The following POLQ variants were observed in gnomAD, a reference collection of about 807,000 sequenced individuals.
POLQ encodes epididymis secretory sperm binding protein.
POLQ carries 233 observed loss-of-function variants against 259.2 expected under a neutral mutation model. The observed-to-expected ratio is 0.90, with a 90% CI of 0.81 to 1.00. The LOEUF is 1.00. Among genes scored for constraint, POLQ ranks in the 50% least tolerant of loss-of-function variants. POLQ has a pLI of 0.00. For synonymous variants in POLQ, 1,025 were observed against 1,048.8 expected (o/e 0.98, Z 0.44); for missense variants, 2,871 against 3,051.6 (o/e 0.94, Z 1.39).
chr3:121,515,078 A>T (rs1028559623), intron 9 of POLQ, among the ~76,000 whole-genome samples: 1 of 152,210 alleles, frequency 6.6e-6, no homozygotes, highest in Non-Finnish European at 1.5e-5. Flanking sequence ...AGTTCTGCCA[A>T]GGGTGGAAGT....
Position 121,431,613 on chromosome 3 carries a change from A to G in POLQ, c.*691T>C, listed in dbSNP as rs11555758. On this transcript the variant is annotated 3_prime_UTR_variant, in exon 30 of 30. Coordinates refer to ENST00000264233, the MANE Select transcript of POLQ (RefSeq NM_199420.4). ...CAGTATTATATTGACCTGCAATAAA[A>G]ACATCTGATCTTACAGAACAGGATA... 5,500 of 152,698 alleles carry G rather than the reference A, an allele frequency of 0.036. 150 individuals carry two copies. The highest frequency in any genetic ancestry group is 0.082 in the Middle Eastern group (24 of 294). 9.5% of individuals were successfully genotyped at this position (152,698 alleles called of 1,614,324 possible). A position where few individuals can be genotyped will look rare whatever the true frequency, so the allele number is the denominator to read the frequency against.
rs1328099752 is a variant in POLQ, at chr3:121,436,277, T to C, written c.7390-2A>G. ...TGTGTTGATAGCTTGACGCTCAGCC[T>C]AGAAAAAACAATCAACAGGTGCTCC... On this transcript the variant is annotated splice_acceptor_variant, in intron 27 of 29. Coordinates refer to ENST00000264233, the MANE Select transcript of POLQ (RefSeq NM_199420.4). LOFTEE classifies it high-confidence loss of function. 2 of 1,613,458 alleles carry C rather than the reference T, an allele frequency of 1.2e-6. No homozygotes were observed. The highest frequency in any genetic ancestry group is 1.7e-6 in the Non-Finnish European group (2 of 1,179,594).
intron 22 of POLQ, among the ~76,000 whole-genome samples, chr3:121,468,900 A>G (rs1216148216): frequency 6.6e-6 from 1 of 152,216 alleles, no homozygotes; most frequent in Non-Finnish European, 1.5e-5. Context: ...AGTACTTACT[A>G]GAAGTACTGA....
intron 28 of POLQ, among the ~76,000 whole-genome samples, chr3:121,435,623 C>T (rs552675017): frequency 5.9e-5 from 9 of 152,298 alleles, no homozygotes; most frequent in South Asian, 2.1e-4. Context: ...GAAACTCATC[C>T]GTCTCCCACA....
chr3:121,464,164 A>G (rs1576406109), intron 24 of POLQ, among the ~76,000 whole-genome samples: 1 of 152,370 alleles, frequency 6.6e-6, no homozygotes, highest in East Asian at 1.9e-4. Flanking sequence ...CAAGAAAGCG[A>G]AAAATGTACT....
intron 20 of POLQ, among the ~76,000 whole-genome samples, chr3:121,474,391 G>C (rs142321680): frequency 0.016 from 2,373 of 152,312 alleles, 31 homozygotes; most frequent in Middle Eastern, 0.024. Flanking sequence ...TGCTGTGTGG[G>C]AGGTGGAAGA....
Position 121,494,714 on chromosome 3 carries a change from G to A in POLQ, c.2279-993C>T, listed in dbSNP as rs991937117. 5.4e-5 allele frequency: 85 copies of A among 1,580,820 alleles called. 1 individual carries two copies. Among genetic ancestry groups the A allele is most frequent in the South Asian group, 4.5e-4 (41 of 90,314 alleles). ...CCACAGGAAGACCTGCACCACTGTC[G>A]CCTTCACACAGGTGAACTCGGAAGA... On this transcript the variant is annotated intron_variant, in intron 14 of 29. Coordinates refer to ENST00000264233, the MANE Select transcript of POLQ (RefSeq NM_199420.4).
At position 121,467,584 on chromosome 3, in the gene POLQ, T is replaced by A; in HGVS notation, c.6902A>T (p.Glu2301Val). The A allele has an allele frequency of 6.2e-7, 1 of 1,613,876 alleles. No individual in the cohort carries two copies. The highest frequency in any genetic ancestry group is 1.1e-5 in the South Asian group (1 of 91,074). The change falls in exon 24 of 30, where the codon GAG (glutamate) becomes GTG (valine). Residue 2301 changes from glutamate (E) to valine (V), a missense_variant. By Grantham distance (121) the Glu-to-Val change is moderately radical. Transcript: ENST00000264233. ...TGGCATTCCTCTGTCTGCAGCTCTCTCCTCCATCTGTGCCTGGCATCTAGG... is the reference window on the plus strand; with the variant it reads ...TGGCATTCCTCTGTCTGCAGCTCTCACCTCCATCTGTGCCTGGCATCTAGG... ...VNPRCQAQME[E>V]RAADRGMPFS...
At chr3:121,457,955 A>G (rs1298986081) in intron 25 of POLQ, among the ~76,000 whole-genome samples, 1 of 152,228 alleles carries the variant, frequency 6.6e-6, no homozygotes, top group African/African-American at 2.4e-5. Context: ...TTGCGGCACT[A>G]TTCACAAGAG....
chr3:121,527,862 T>C (rs1358102382), intron 7 of POLQ, among the ~76,000 whole-genome samples: 1 of 152,216 alleles, frequency 6.6e-6, no homozygotes, highest in African/African-American at 2.4e-5. Context: ...AATTACTTTT[T>C]ACTGCAATAT....
chr3:121,478,212 G>C (rs2047942442), intron 19 of POLQ, among the ~76,000 whole-genome samples: 1 of 152,128 alleles, frequency 6.6e-6, no homozygotes, highest in African/African-American at 2.4e-5. Flanking sequence ...GCGGTCCTTT[G>C]ATGCAGAGTA....
chr3:121,467,769 G>A (rs1314394622), intron 23 of POLQ, 129 bp from the exon 24 acceptor site: 1 of 901,704 alleles, frequency 1.1e-6, no homozygotes, highest in African/African-American at 1.7e-5. Flanking sequence ...GGCTGGGTGT[G>A]GTAGCTCACA....
chr3:121,469,692 T>C (rs2047867738), intron 22 of POLQ, among the ~76,000 whole-genome samples: 1 of 152,142 alleles, frequency 6.6e-6, no homozygotes, highest in Non-Finnish European at 1.5e-5. Flanking sequence ...GGTCTATTAG[T>C]TGAATTAATG....
At position 121,489,904 on chromosome 3, in the gene POLQ, T is replaced by C; in HGVS notation, c.3027A>G (p.Lys1009=). ...EKPGASQNEG[K]TSDKKVVQTF... ...TCTGAACAACTTTCTTATCACTTGT[T>C]TTCCCCTCATTCTGAGAGGCTCCTG... Residue 1009 remains lysine (K), a synonymous_variant, in exon 16 of 30, where the codon AAA becomes AAG. Transcript: ENST00000264233. 2 of 1,595,552 alleles carry C rather than the reference T, an allele frequency of 1.3e-6. No homozygotes were observed. Among genetic ancestry groups the C allele is most frequent in the Non-Finnish European group, 1.7e-6 (2 of 1,175,430 alleles).
rs1375526247 is a variant in POLQ, at chr3:121,493,651, C to A, written c.2349G>T (p.Lys783Asn). The A allele has an allele frequency of 6.2e-7, 1 of 1,613,960 alleles. No individual in the cohort carries two copies. The highest frequency in any genetic ancestry group is 8.5e-7 in the Non-Finnish European group (1 of 1,179,970). Residue 783 changes from lysine (K) to asparagine (N), a missense_variant, in exon 15 of 30, where the codon AAG becomes AAT. Lys to Asn is a moderately conservative substitution (Grantham distance 94). Around this residue, in one of 3 missense-constraint regions of POLQ, gnomAD observed 2,080 missense variants for 2,126.0 expected, o/e 0.98. Transcript: ENST00000264233. ...NMELLLSQFQKRLTFGIQREL... is the reference protein window; with the variant it reads ...NMELLLSQFQNRLTFGIQREL... ...CCCTCTGGATGCCAAACGTAAGACG[C>A]TTCTGAAATTGGGAAAGTAGTAGTT...
At chr3:121,538,906 T>C (rs2048469280) in intron 4 of POLQ, among the ~76,000 whole-genome samples, 2 of 152,176 alleles carry the variant, frequency 1.3e-5, no homozygotes, top group Admixed American at 1.3e-4. Context: ...TTCCTGTTGC[T>C]ACCTCTACAT....
chr3:121,533,905 T>C (rs2048430272), intron 5 of POLQ, among the ~76,000 whole-genome samples: 1 of 142,098 alleles, frequency 7.0e-6, no homozygotes, highest in Admixed American at 6.9e-5. Context: ...TGGATACCCT[T>C]TTTTTTTTTT....
chr3:121,476,139 C>T (rs1313644526), intron 20 of POLQ, among the ~76,000 whole-genome samples: 1 of 152,034 alleles, frequency 6.6e-6, no homozygotes, highest in Non-Finnish European at 1.5e-5. Flanking sequence ...ATCCAGTTTC[C>T]TATTCTATAG....
At chr3:121,449,669 T>G (rs1285157449) in intron 25 of POLQ, among the ~76,000 whole-genome samples, 1 of 152,188 alleles carries the variant, frequency 6.6e-6, no homozygotes. Context: ...TAGGTATGTG[T>G]GATCTAAGGA....
Sources: gnomAD v4.1 joint callset for allele counts (sites outside exome capture counted in the v4.1 genomes callset) on GRCh38, gnomAD v4.1.1 for gene constraint, gnomAD v4.1.1 regional missense constraint, MANE v1.5 for transcripts, NCBI Gene and HGNC (gene_info 2026-07-23, HGNC 2026-07-21) for gene names.